The following PNKD variants were observed in gnomAD, a reference collection of about 807,000 sequenced individuals.
PNKD encodes the protein PNKD metallo-beta-lactamase domain containing, also known as probable thioesterase PNKD.
Under a neutral mutation model 45.3 loss-of-function variants are expected in PNKD, and 36 were observed. The ratio of observed to expected loss-of-function variants is 0.80; its 90% CI spans 0.61 to 1.05. PNKD has a LOEUF of 1.05. PNKD is among the 50% of genes least tolerant of loss of function. The pLI is 0.00. For missense variants in PNKD, 511 were observed against 506.6 expected, an observed-to-expected ratio of 1.01 and a Z score of -0.08; for synonymous variants, 197 against 210.1, an observed-to-expected ratio of 0.94 and a Z score of 0.54.
At chr2:218,278,433 A>G (rs1691487120) in intron 2 of PNKD, 4 of 1,400,256 alleles carry the variant, frequency 2.9e-6, no homozygotes, top group Non-Finnish European at 4.1e-6. Context: ...AGCTGCTATA[A>G]AGGAATCCTT....
chr2:218,284,259 G>A (rs1692317682), intron 2 of PNKD: 1 of 152,084 alleles, frequency 6.6e-6, no homozygotes, highest in Non-Finnish European at 1.5e-5. Flanking sequence ...CCTCCTCAGG[G>A]TGCACCTCTG....
intron 2 of PNKD, among the ~76,000 whole-genome samples, chr2:218,293,230 C>T (rs1387296581): frequency 5.9e-5 from 9 of 152,148 alleles, no homozygotes; most frequent in African/African-American, 2.2e-4. Context: ...GGTCTTAACC[C>T]TCATCTCAGT....
chr2:218,302,241 G>T lies in PNKD; in HGVS notation c.236+30692G>T, dbSNP rs185050271. Among the ~76,000 whole-genome samples the T allele has an allele frequency of 1.1e-4, 16 of 152,208 alleles. No individual in the cohort carries two copies. In the East Asian group the frequency reaches 3.1e-3, roughly 29 times the overall value. The stretch of plus-strand genomic sequence containing the variant: ...TGCGCACATGTAGTCCCAGCTACTC[G>T]GGAGGCTGAGGCAGGAGAATCACTT... On this transcript the variant is annotated intron_variant, in intron 2 of 9. Transcript: ENST00000273077.
At chr2:218,274,216 A>G (rs1345144442) in intron 2 of PNKD, 1 of 154,920 alleles carries the variant, frequency 6.5e-6, no homozygotes, top group Non-Finnish European at 1.5e-5. Flanking sequence ...CTAGACATAA[A>G]CTTTATTACA....
intron 2 of PNKD, among the ~76,000 whole-genome samples, chr2:218,317,141 G>A (rs929663118): frequency 2.6e-5 from 4 of 152,138 alleles, no homozygotes; most frequent in East Asian, 1.9e-4. Flanking sequence ...TGAATCTAGG[G>A]TGTGGCCATG....
At chr2:218,293,546 G>A (rs1021972596) in intron 2 of PNKD, among the ~76,000 whole-genome samples, 21 of 148,450 alleles carry the variant, frequency 1.4e-4, no homozygotes, top group African/African-American at 5.2e-4. Flanking sequence ...CATGTTAATA[G>A]CTATAGGTCA....
intron 2 of PNKD, among the ~76,000 whole-genome samples, chr2:218,290,607 C>T (rs1692870483): frequency 6.6e-6 from 1 of 152,222 alleles, no homozygotes; most frequent in African/African-American, 2.4e-5. Context: ...ACATATCCAG[C>T]TACCACAGAA....
intron 2 of PNKD, among the ~76,000 whole-genome samples, chr2:218,291,995 C>A (rs1692960664): frequency 6.6e-6 from 1 of 151,710 alleles, no homozygotes; most frequent in African/African-American, 2.4e-5. Context: ...CTGGCCTCAG[C>A]GCGTGTGGGG....
intron 2 of PNKD, chr2:218,323,388 G>A (rs1694051006): frequency 7.6e-6 from 12 of 1,577,842 alleles, no homozygotes; most frequent in Non-Finnish European, 1.0e-5. Context: ...GGGCCTCCGC[G>A]GTCTGCTCAT....
chr2:218,282,708 G>C (rs1255366713), intron 2 of PNKD, among the ~76,000 whole-genome samples: 2 of 152,210 alleles, frequency 1.3e-5, no homozygotes, highest in African/African-American at 4.8e-5. Context: ...AGAAGTGGAG[G>C]AAAACAAGCT....
chr2:218,276,610 A>T (rs1373009913), intron 2 of PNKD, among the ~76,000 whole-genome samples: 1 of 151,298 alleles, frequency 6.6e-6, no homozygotes, highest in Non-Finnish European at 1.5e-5. Flanking sequence ...CCCCCAGCTG[A>T]ACAGAATAAA....
At chr2:218,344,678 C>T (rs1694778420) in intron 9 of PNKD, 108 bp downstream of exon 9, 6 of 1,373,318 alleles carry the variant, frequency 4.4e-6, no homozygotes, top group East Asian at 4.6e-5. Context: ...AAACTCTGAC[C>T]TCTTTGGCCC....
chr2:218,323,331 C>T (rs1694048422), intron 2 of PNKD: 1 of 1,576,018 alleles, frequency 6.3e-7, no homozygotes, highest in Non-Finnish European at 8.6e-7. Flanking sequence ...CCTCCTCGTC[C>T]TTGTCCTCGT....
At chr2:218,330,996 A>C (rs545407434) in intron 2 of PNKD, among the ~76,000 whole-genome samples, 1 of 152,344 alleles carries the variant, frequency 6.6e-6, no homozygotes, top group African/African-American at 2.4e-5. Flanking sequence ...TAGGGGAGTG[A>C]GTTCCTGCTT....
chr2:218,270,976 T>C (rs2106177015), intron 1 of PNKD: 1 of 316,926 alleles, frequency 3.2e-6, no homozygotes, highest in Non-Finnish European at 5.8e-6. Flanking sequence ...AGGGCTTCAG[T>C]TTCCTCTTCC....
At chr2:218,285,487 C>T (rs986388336) in intron 2 of PNKD, among the ~76,000 whole-genome samples, 1 of 152,120 alleles carries the variant, frequency 6.6e-6, no homozygotes, top group South Asian at 2.1e-4. Context: ...CACACCACCA[C>T]AGGGCTCACA....
chr2:218,285,424 T>C (rs1377927179), intron 2 of PNKD, among the ~76,000 whole-genome samples: 1 of 152,170 alleles, frequency 6.6e-6, no homozygotes, highest in Non-Finnish European at 1.5e-5. Flanking sequence ...TCTCATGGGT[T>C]TTAGCCTCAA....
At chr2:218,316,443 G>A (rs1487231156) in intron 2 of PNKD, among the ~76,000 whole-genome samples, 1 of 151,860 alleles carries the variant, frequency 6.6e-6, no homozygotes, top group East Asian at 1.9e-4. Context: ...CTAATTTTTT[G>A]TATTTTTAGT....
At chr2:218,325,271 A>G (rs1694119251) in intron 2 of PNKD, among the ~76,000 whole-genome samples, 2 of 138,906 alleles carry the variant, frequency 1.4e-5, no homozygotes, top group Non-Finnish European at 3.0e-5. Flanking sequence ...GCAGTGGCAC[A>G]ATCTCAGCTC....
Sources: gnomAD v4.1 joint callset for allele counts (sites outside exome capture counted in the v4.1 genomes callset) on GRCh38, gnomAD v4.1.1 for gene constraint, MANE v1.5 for transcripts, NCBI Gene and HGNC (gene_info 2026-07-23, HGNC 2026-07-21) for gene names.